Variants in TXLNB observed in about 807,000 individuals in gnomAD.
TXLNB encodes beta-taxilin.
TXLNB carries 37 observed loss-of-function variants against 57.4 expected under a neutral mutation model. That is an observed-to-expected ratio of 0.64 (90% CI 0.50 to 0.85). TXLNB has a LOEUF of 0.85. TXLNB is among the 40% of genes least tolerant of loss of function. The pLI is 0.00. For missense variants in TXLNB, 848 were observed against 825.6 expected, an observed-to-expected ratio of 1.03 and a Z score of -0.33; for synonymous variants, 302 against 309.6, an observed-to-expected ratio of 0.98 and a Z score of 0.26.
Position 139,285,412 on chromosome 6 carries a change from G to A in TXLNB, c.424+3064C>T, listed in dbSNP as rs1422650614. On this transcript the variant is annotated intron_variant, in intron 2 of 9. Transcript: ENST00000358430. ...ATGAGATTTTGTATATTGTCTTACG[G>A]AAACTTGAATAATGACTAACTTTGC... is the stretch of plus-strand genomic sequence containing the variant. Among the ~76,000 whole-genome samples, 2 of 143,434 alleles carry A rather than the reference G, an allele frequency of 1.4e-5. 1 individual carries two copies. Among genetic ancestry groups the A allele is most frequent in the Non-Finnish European group, 3.1e-5 (2 of 64,808 alleles). The allele number at this position is 143,434 out of a possible 152,430, so 94.1% of individuals were successfully genotyped here.
chr6:139,257,208 T>G (rs1009707788), intron 6 of TXLNB, among the ~76,000 whole-genome samples: 1 of 152,192 alleles, frequency 6.6e-6, no homozygotes. Context: ...TGTGTGTGTG[T>G]GTTTAGCGAT....
At chr6:139,295,643 T>A (rs1411080298), upstream of TXLNB, among the ~76,000 whole-genome samples, 1 of 152,150 alleles carries the variant, frequency 6.6e-6, no homozygotes, top group Admixed American at 6.5e-5. Flanking sequence ...AACTCACCAA[T>A]TTTTGACATT....
At chr6:139,203,972 GCTT>G in the TXLNB span, among the ~76,000 whole-genome samples, 1 of 152,108 alleles carries the variant, frequency 6.6e-6, no homozygotes, top group South Asian at 2.1e-4. Context: ...AGCAAACTGT[GCTT>G]CTCTAAACTT....
chr6:139,229,542 C>T, the TXLNB span, among the ~76,000 whole-genome samples: 2 of 152,064 alleles, frequency 1.3e-5, no homozygotes, highest in African/African-American at 4.8e-5. Flanking sequence ...AGGCTGGTCT[C>T]GAACTCCTGA....
At chr6:139,252,807 C>T (rs928826389) in intron 7 of TXLNB, among the ~76,000 whole-genome samples, 5 of 152,126 alleles carry the variant, frequency 3.3e-5, no homozygotes, top group Admixed American at 6.6e-5. Context: ...CTGGCTAACA[C>T]GGTGAAACCC....
At chr6:139,254,353 A>G (rs1215365641) in intron 7 of TXLNB, among the ~76,000 whole-genome samples, 1 of 149,088 alleles carries the variant, frequency 6.7e-6, no homozygotes, top group African/African-American at 2.6e-5. Context: ...ACAGTGAACA[A>G]GTACTCAGCT....
At chr6:139,199,452 A>G in the TXLNB span, among the ~76,000 whole-genome samples, 1 of 152,214 alleles carries the variant, frequency 6.6e-6, no homozygotes, top group African/African-American at 2.4e-5. Context: ...GAATGAGCAG[A>G]CAGGCTCTGC....
At chr6:139,260,792 A>G (rs1252280982) in intron 5 of TXLNB, among the ~76,000 whole-genome samples, 1 of 152,254 alleles carries the variant, frequency 6.6e-6, no homozygotes, top group Non-Finnish European at 1.5e-5. Context: ...TACAATATAC[A>G]GGGGCTACAG....
chr6:139,299,689 CA>C, the TXLNB span, among the ~76,000 whole-genome samples: 5 of 152,028 alleles, frequency 3.3e-5, no homozygotes, highest in South Asian at 2.1e-4. Context: ...ACTGTTCAAA[CA>C]AAATAGATGT....
chr6:139,269,223 T>C (rs1460094883), intron 4 of TXLNB: 1 of 152,242 alleles, frequency 6.6e-6, no homozygotes, highest in East Asian at 1.9e-4. Context: ...TGTCTTTCAA[T>C]ACTACCCAAG....
chr6:139,297,919 T>C, the TXLNB span, among the ~76,000 whole-genome samples: 1 of 152,204 alleles, frequency 6.6e-6, no homozygotes, highest in Non-Finnish European at 1.5e-5. Flanking sequence ...GGGCGCATCA[T>C]TCTATACTGC....
intron 2 of TXLNB, among the ~76,000 whole-genome samples, chr6:139,277,832 C>T (rs1418561251): frequency 6.6e-6 from 1 of 152,188 alleles, no homozygotes; most frequent in African/African-American, 2.4e-5. Context: ...GGTCAAGCCA[C>T]ACAACAAAGC....
chr6:139,186,962 T>A, the TXLNB span, among the ~76,000 whole-genome samples: 5 of 152,140 alleles, frequency 3.3e-5, no homozygotes, highest in South Asian at 2.1e-4. Context: ...GGAATATTAA[T>A]GAGAAGAGAA....
the TXLNB span, among the ~76,000 whole-genome samples, chr6:139,307,280 C>T: frequency 1.8e-4 from 27 of 152,274 alleles, no homozygotes; most frequent in Non-Finnish European, 3.7e-4. Flanking sequence ...CAGCTTTGAA[C>T]CTGGGCTCAA....
the TXLNB span, among the ~76,000 whole-genome samples, chr6:139,185,586 AGCT>A: frequency 7.9e-5 from 12 of 152,150 alleles, no homozygotes; most frequent in Non-Finnish European, 1.8e-4. Flanking sequence ...CTGTAGTCCC[AGCT>A]GCTCGGGAGG....
the TXLNB span, among the ~76,000 whole-genome samples, chr6:139,189,708 T>C: frequency 3.3e-5 from 5 of 152,134 alleles, no homozygotes; most frequent in Admixed American, 6.5e-5. Context: ...TTTGCAGCTG[T>C]GGAGGTTTGC....
the TXLNB span, among the ~76,000 whole-genome samples, chr6:139,319,583 G>A: frequency 2.0e-5 from 3 of 151,814 alleles, no homozygotes; most frequent in African/African-American, 7.3e-5. Context: ...GCAACATAGG[G>A]AGAACCCATC....
At chr6:139,259,844 G>C (rs758054496) in intron 6 of TXLNB, among the ~76,000 whole-genome samples, 1 of 152,184 alleles carries the variant, frequency 6.6e-6, no homozygotes, top group Non-Finnish European at 1.5e-5. Context: ...TGTAGACATA[G>C]TGCCTCAGAC....
the TXLNB span, among the ~76,000 whole-genome samples, chr6:139,232,261 A>G: frequency 6.6e-6 from 1 of 152,150 alleles, no homozygotes; most frequent in East Asian, 1.9e-4. Context: ...AAACACTTAT[A>G]AACATCTCAT....
Sources: gnomAD v4.1 joint callset for allele counts (sites outside exome capture counted in the v4.1 genomes callset) on GRCh38, gnomAD v4.1.1 for gene constraint, MANE v1.5 for transcripts, NCBI Gene and HGNC (gene_info 2026-07-23, HGNC 2026-07-21) for gene names.